CCDC88A: variants seen among roughly 807,000 people sequenced by gnomAD.
The protein encoded by CCDC88A is coiled-coil and HOOK domain protein 88A, also known as girdin.
Under a neutral mutation model 234.3 loss-of-function variants are expected in CCDC88A, and 54 were observed. That is an observed-to-expected ratio of 0.23 (90% confidence interval 0.19 to 0.29). The LOEUF (loss-of-function observed/expected upper bound fraction) is 0.29. CCDC88A is among the 10% of genes least tolerant of loss of function. The pLI is 1.00. For synonymous variants in CCDC88A, 753 were observed against 737.8 expected (o/e 1.02, Z -0.33); for missense variants, 1,832 against 2,123.4 (o/e 0.86, Z 2.70).
chr2:55,349,675 A>G (rs1185695092), intron 8 of CCDC88A, 76 bp from the exon 9 acceptor site: 3 of 941,192 alleles, frequency 3.2e-6, no homozygotes, highest in African/African-American at 3.3e-5. Context: ...ATATAAATGT[A>G]TCATCATCAC....
chr2:55,301,487 A>G, intron 27 of CCDC88A: 1 of 516,828 alleles, frequency 1.9e-6, no homozygotes, highest in Non-Finnish European at 3.4e-6. Flanking sequence ...AAAACACCAA[A>G]AGCAATGAAA....
chr2:55,336,429 CA>C (rs1685470391), intron 14 of CCDC88A, among the ~76,000 whole-genome samples: 1 of 151,932 alleles, frequency 6.6e-6, no homozygotes, highest in South Asian at 2.1e-4. Context: ...CTTGAAAGCA[CA>C]AGTACTGCAA....
intron 26 of CCDC88A, 94 bp downstream of exon 26, chr2:55,302,975 G>C (rs1033275424): frequency 8.3e-6 from 7 of 847,484 alleles, no homozygotes; most frequent in Non-Finnish European, 1.4e-5. Context: ...GCAAAATAAG[G>C]AAATTGGCAC....
Position 55,334,847 on chromosome 2 carries a change from A to G in CCDC88A, c.1974T>C (p.Ile658=), listed in dbSNP as rs781490489. Residue 658 remains isoleucine (I), a synonymous_variant, in exon 15 of 33, where the codon ATT becomes ATC. Transcript: ENST00000436346. The surrounding 1 kb of genome is among the most constrained non-coding windows in gnomAD (Gnocchi z 6.1). ...ITNLKITCEK[I]EALEQENSEL... is the part of the protein sequence containing the mutation. Reference sequence around the variant, plus strand: ...CTGAATTTTCTTGTTCTAAGGCCTCAATTTTTTCACAAGTAATTTTTAAAT... The same window carrying G: ...CTGAATTTTCTTGTTCTAAGGCCTCGATTTTTTCACAAGTAATTTTTAAAT... The G allele has an allele frequency of 1.9e-6, 3 of 1,540,152 alleles. No individual in the cohort carries two copies. The highest frequency in any genetic ancestry group is 2.6e-6 in the Non-Finnish European group (3 of 1,133,708).
intron 2 of CCDC88A, among the ~76,000 whole-genome samples, chr2:55,393,970 AT>A (rs897169499): frequency 5.3e-5 from 8 of 151,238 alleles, no homozygotes; most frequent in Non-Finnish European, 1.2e-4. Flanking sequence ...TATTTTTTTT[AT>A]TTTTTTGAAG....
chr2:55,346,875 A>T (rs1013500482), intron 9 of CCDC88A, among the ~76,000 whole-genome samples: 12 of 152,122 alleles, frequency 7.9e-5, no homozygotes, highest in Admixed American at 2.0e-4. Context: ...AAACCTTTTT[A>T]AAAAAATCGA....
At chr2:55,380,818 T>G (rs1379152322) in intron 3 of CCDC88A, among the ~76,000 whole-genome samples, 1 of 152,168 alleles carries the variant, frequency 6.6e-6, no homozygotes, top group East Asian at 1.9e-4. Context: ...GGTTTCACCA[T>G]GTTGGCCAGG....
rs182298449 is a variant in CCDC88A, at chr2:55,307,343, T to G, written c.4387+1466A>C. Among the ~76,000 whole-genome samples, 75 of 151,430 alleles carry G rather than the reference T, an allele frequency of 5.0e-4. No homozygotes were observed. In the East Asian group the frequency reaches 5.8e-3, roughly 12 times the overall value. ...TATATCATAAGTTTATAAACAAATATGTATCTCTTCACCTAATTTTTTTTT... is the reference window on the plus strand; with the variant it reads ...TATATCATAAGTTTATAAACAAATAGGTATCTCTTCACCTAATTTTTTTTT... On this transcript the variant is annotated intron_variant, in intron 25 of 32. Coordinates refer to ENST00000436346, the MANE Select transcript of CCDC88A (RefSeq NM_001365480.1).
intron 3 of CCDC88A, among the ~76,000 whole-genome samples, chr2:55,386,706 A>G (rs902581281): frequency 7.3e-5 from 11 of 151,402 alleles, no homozygotes; most frequent in African/African-American, 2.2e-4. Flanking sequence ...TCCTGACCTC[A>G]AGTGATCCGC....
At chr2:55,338,030 G>C (rs1420692550) in intron 13 of CCDC88A, among the ~76,000 whole-genome samples, 1 of 152,080 alleles carries the variant, frequency 6.6e-6, no homozygotes, top group African/African-American at 2.4e-5. Context: ...AAACTCATTT[G>C]TTGTTTTGTA....
At chr2:55,341,720 G>A (rs933926524) in intron 12 of CCDC88A, among the ~76,000 whole-genome samples, 4 of 152,146 alleles carry the variant, frequency 2.6e-5, no homozygotes, top group Non-Finnish European at 5.9e-5. Flanking sequence ...TGGGATTACA[G>A]GTGTGAGCCA....
Position 55,288,630 on chromosome 2 carries a change from C to A in CCDC88A, c.*2570G>T, listed in dbSNP as rs923948809. On this transcript the variant is annotated 3_prime_UTR_variant, in exon 33 of 33. Coordinates refer to ENST00000436346, the MANE Select transcript of CCDC88A (RefSeq NM_001365480.1). ...ACCTGTTTTGTGAACTCTTTGGTAACCACCAATTTAAAAATTTGGATGAAA... is the reference window on the plus strand; with the variant it reads ...ACCTGTTTTGTGAACTCTTTGGTAAACACCAATTTAAAAATTTGGATGAAA... 4.6e-5 allele frequency: 7 copies of A among 152,556 alleles called. No homozygotes were observed. Among genetic ancestry groups the A allele is most frequent in the African/African-American group, 1.7e-4 (7 of 41,430 alleles). 9.5% of individuals were successfully genotyped at this position (152,556 alleles called of 1,614,324 possible).
chr2:55,352,384 G>A lies in CCDC88A; in HGVS notation c.801-2785C>T, dbSNP rs190830694. On this transcript the variant is annotated intron_variant, in intron 8 of 32. Coordinates refer to ENST00000436346, the MANE Select transcript of CCDC88A (RefSeq NM_001365480.1). The stretch of plus-strand genomic sequence containing the variant: ...AGAGGTTGCAGTGAGCCGAGATCAC[G>A]CCATTGCACTCCAGCCTGGGCAACA... 5.4e-4 allele frequency among the ~76,000 whole-genome samples: 81 copies of A among 151,070 alleles called. No homozygotes were observed. In the East Asian group the frequency reaches 0.012, roughly 22 times the overall value.
intron 7 of CCDC88A, among the ~76,000 whole-genome samples, chr2:55,359,554 A>G (rs554172703): frequency 5.3e-5 from 8 of 151,406 alleles, no homozygotes; most frequent in Non-Finnish European, 1.0e-4. Context: ...TTTTTAAAGC[A>G]TAACGAATTT....
At chr2:55,355,857 T>C in intron 7 of CCDC88A, 106 bp from the exon 8 acceptor site, 1 of 794,352 alleles carries the variant, frequency 1.3e-6, no homozygotes. Context: ...TCAAAAACAA[T>C]TCACTGGTCA....
Position 55,316,115 on chromosome 2 carries a change from C to A in CCDC88A, c.3747-1G>T. 1 of 1,317,168 alleles carries A rather than the reference C, an allele frequency of 7.6e-7. No individual in the cohort carries two copies. Among genetic ancestry groups the A allele is most frequent in the Non-Finnish European group, 1.0e-6 (1 of 962,986 alleles). The allele number at this position is 1,317,168 out of a possible 1,614,324, so 81.6% of individuals were successfully genotyped here. On this transcript the variant is annotated splice_acceptor_variant, in intron 21 of 32. Coordinates refer to ENST00000436346, the MANE Select transcript of CCDC88A (RefSeq NM_001365480.1). LOFTEE classifies it high-confidence loss of function. ...AAGTTGACTATAGGTATGATTCAGC[C>A]TATAATTAGAAATCATAGAAATATA...
chr2:55,372,386 T>C, intron 5 of CCDC88A, 66 bp downstream of exon 5: 1 of 800,606 alleles, frequency 1.2e-6, no homozygotes. Context: ...TTTCAGAAAC[T>C]ACAGCCTGAT....
At chr2:55,343,871 AC>A (rs1668786692) in intron 11 of CCDC88A, 79 bp from the exon 12 acceptor site, 1 of 1,178,910 alleles carries the variant, frequency 8.5e-7, no homozygotes, top group African/African-American at 1.6e-5. Context: ...ATTTCTCACA[AC>A]TTTTATTTAT....
intron 3 of CCDC88A, among the ~76,000 whole-genome samples, chr2:55,381,767 T>C (rs1674646856): frequency 6.6e-6 from 1 of 152,138 alleles, no homozygotes; most frequent in African/African-American, 2.4e-5. Context: ...CAGTAAGAAG[T>C]TAACACTTCT....
Sources: allele counts gnomAD v4.1 joint callset (sites outside exome capture counted in the v4.1 genomes callset), GRCh38; gene constraint gnomAD v4.1.1; non-coding constraint Gnocchi (gnomAD v3.1); transcripts MANE v1.5; gene names NCBI Gene and HGNC (gene_info 2026-07-23, HGNC 2026-07-21).